Variants in RIMS2 observed in about 807,000 individuals in gnomAD.
RIMS2 encodes the protein regulating synaptic membrane exocytosis protein 2.
Under a neutral mutation model 174.4 loss-of-function variants are expected in RIMS2, and 59 were observed. The ratio of observed to expected loss-of-function variants is 0.34; its 90% CI spans 0.27 to 0.42. The LOEUF (loss-of-function observed/expected upper bound fraction) is 0.42, where lower values mean the gene tolerates loss of function less well. Ranked by LOEUF, RIMS2 falls within the 10% of genes least tolerant of loss-of-function variation. The probability of loss-of-function intolerance (pLI) is 1.00; values close to 1 mark genes in which losing one functional copy is unlikely to be tolerated. For synonymous variants in RIMS2, 606 were observed against 572.5 expected, an observed-to-expected ratio of 1.06 and a Z score of -0.84; for missense variants, 1,620 against 1,666.3, an observed-to-expected ratio of 0.97 and a Z score of 0.48.
At chr8:103,604,184 A>C (rs999817258) in intron 1 of RIMS2, among the ~76,000 whole-genome samples, 3 of 150,888 alleles carry the variant, frequency 2.0e-5, no homozygotes, top group African/African-American at 4.9e-5. Context: ...TATAAGGTGT[A>C]AGGAAGGGAT....
At chr8:104,244,559 A>G (rs1304472220) in intron 19 of RIMS2, among the ~76,000 whole-genome samples, 1 of 152,224 alleles carries the variant, frequency 6.6e-6, no homozygotes. Context: ...AAATATTACA[A>G]TGAAAACAAA....
At chr8:103,588,268 A>C (rs751843720) in intron 1 of RIMS2, among the ~76,000 whole-genome samples, 3 of 152,082 alleles carry the variant, frequency 2.0e-5, no homozygotes, top group Non-Finnish European at 4.4e-5. Context: ...AAAAAATGGA[A>C]AGATATTCCA....
chr8:103,554,160 C>T (rs1243584957), intron 1 of RIMS2, among the ~76,000 whole-genome samples: 3 of 151,872 alleles, frequency 2.0e-5, no homozygotes, highest in African/African-American at 4.8e-5. Flanking sequence ...ATGAGGAAGA[C>T]GTCAAAAGGA....
chr8:103,870,426 T>A (rs1430122583), intron 3 of RIMS2, among the ~76,000 whole-genome samples: 1 of 151,446 alleles, frequency 6.6e-6, no homozygotes, highest in East Asian at 1.9e-4. Context: ...ATAAAAAAAA[T>A]TATAGCATTC....
At chr8:103,690,051 C>T (rs2096998201) in intron 1 of RIMS2, among the ~76,000 whole-genome samples, 1 of 150,016 alleles carries the variant, frequency 6.7e-6, no homozygotes, top group African/African-American at 2.5e-5. Flanking sequence ...GCGTCTGCTT[C>T]CTGGGTTCAA....
chr8:103,916,526 A>C, exon 8 of RIMS2: 1 of 1,608,526 alleles, frequency 6.2e-7, no homozygotes, highest in Non-Finnish European at 8.5e-7. Flanking sequence ...TTGTAGTTTC[A>C]AGGCCTATTG....
At chr8:103,617,856 A>G (rs182445866) in intron 1 of RIMS2, among the ~76,000 whole-genome samples, 1 of 152,296 alleles carries the variant, frequency 6.6e-6, no homozygotes, top group East Asian at 1.9e-4. Context: ...AAAAAATAGC[A>G]GATGCTGGCA....
At chr8:103,516,648 G>A (rs1829112013) in intron 1 of RIMS2, among the ~76,000 whole-genome samples, 1 of 152,062 alleles carries the variant, frequency 6.6e-6, no homozygotes, top group Admixed American at 6.6e-5. Flanking sequence ...TGTTGCTATT[G>A]TTGCAATGTA....
intron 10 of RIMS2, among the ~76,000 whole-genome samples, chr8:103,926,952 T>G (rs1409103866): frequency 6.6e-6 from 1 of 151,478 alleles, no homozygotes; most frequent in Non-Finnish European, 1.5e-5. Context: ...TTTCTGTCTT[T>G]ACACTATCTT....
Position 103,566,145 on chromosome 8 carries a change from A to G in RIMS2, c.176+65083A>G, listed in dbSNP as rs575917354. Among the ~76,000 whole-genome samples the G allele has an allele frequency of 1.4e-4, 21 of 152,286 alleles. No homozygotes were observed. The South Asian group carries it at 4.1e-3, about 30-fold the overall frequency. On this transcript the variant is annotated intron_variant, in intron 1 of 23. Coordinates refer to ENST00000504942, the Ensembl canonical transcript of RIMS2. ...AGTTTATAATTGAACCTGGGGTACA[A>G]TTTGAGTCAAATCCAGTGCCATGTT... is the stretch of plus-strand genomic sequence containing the variant.
intron 19 of RIMS2, among the ~76,000 whole-genome samples, chr8:104,075,261 A>T (rs2154562198): frequency 6.6e-6 from 1 of 152,360 alleles, no homozygotes; most frequent in Non-Finnish European, 1.5e-5. Flanking sequence ...TCTGATAAAT[A>T]GAACAAGAGG....
At chr8:103,660,200 C>T (rs1356461622) in intron 1 of RIMS2, among the ~76,000 whole-genome samples, 2 of 152,168 alleles carry the variant, frequency 1.3e-5, no homozygotes, top group Non-Finnish European at 2.9e-5. Context: ...TGGAACTGTC[C>T]TTCCAGCTGG....
At chr8:103,985,054 G>T (rs953027028) in intron 16 of RIMS2, among the ~76,000 whole-genome samples, 5 of 152,192 alleles carry the variant, frequency 3.3e-5, no homozygotes, top group Non-Finnish European at 5.9e-5. Context: ...GTCGCAGTGG[G>T]TGAAGGGGAT....
chr8:104,013,547 T>C (rs754036575), exon 18 of RIMS2: 2 of 1,613,736 alleles, frequency 1.2e-6, no homozygotes, highest in South Asian at 1.1e-5. Context: ...CTGAACGTCC[T>C]GATACAAACC....
At chr8:103,902,996 A>G (rs1331544541) in intron 4 of RIMS2, among the ~76,000 whole-genome samples, 2 of 152,154 alleles carry the variant, frequency 1.3e-5, no homozygotes, top group African/African-American at 4.8e-5. Context: ...GAAAAGGAGG[A>G]CAGAATACCA....
Position 103,972,819 on chromosome 8 carries a change from T to G in RIMS2, c.2771-2531T>G, listed in dbSNP as rs1036522877. ...AAAATTGCAAAATGCCCTCCTCTTCTGGCATTTTGATTTTCCTTTTTCTTG... is the reference window on the plus strand; with the variant it reads ...AAAATTGCAAAATGCCCTCCTCTTCGGGCATTTTGATTTTCCTTTTTCTTG... On this transcript the variant is annotated intron_variant, in intron 15 of 23. Transcript: ENST00000504942. 2.0e-5 allele frequency among the ~76,000 whole-genome samples: 3 copies of G among 152,342 alleles called. No homozygotes were observed. The South Asian group carries it at 6.2e-4, about 32-fold the overall frequency.
chr8:103,707,030 TA>T (rs1490250102), intron 2 of RIMS2, among the ~76,000 whole-genome samples: 2 of 152,210 alleles, frequency 1.3e-5, no homozygotes, highest in African/African-American at 4.8e-5. Flanking sequence ...GTCTTCGAGT[TA>T]CTGATTCTTC....
chr8:103,531,411 A>T (rs962099034), intron 1 of RIMS2, among the ~76,000 whole-genome samples: 1 of 152,226 alleles, frequency 6.6e-6, no homozygotes, highest in Non-Finnish European at 1.5e-5. Flanking sequence ...TCCAAAGATT[A>T]AGGAAGAAAT....
At chr8:103,931,290 C>A in exon 12 of RIMS2, 1 of 1,602,268 alleles carries the variant, frequency 6.2e-7, no homozygotes, top group Non-Finnish European at 8.5e-7. Context: ...CAAGGTTGGT[C>A]ACCAATTAAT....
Sources: allele counts gnomAD v4.1 joint callset (sites outside exome capture counted in the v4.1 genomes callset), GRCh38; gene constraint gnomAD v4.1.1; transcripts MANE v1.5; gene names NCBI Gene and HGNC (gene_info 2026-07-23, HGNC 2026-07-21).